TMEM201: variants seen among roughly 807,000 people sequenced by gnomAD.
The protein encoded by TMEM201 is transmembrane protein 201.
A neutral mutation model predicts 63.4 loss-of-function variants in TMEM201; 26 were observed. The observed-to-expected ratio is 0.41, with a 90% CI of 0.30 to 0.57. TMEM201 has a LOEUF of 0.57. Among genes scored for constraint, TMEM201 ranks in the 20% least tolerant of loss-of-function variants. TMEM201 has a pLI of 0.29. For synonymous variants in TMEM201, 417 were observed against 421.6 expected, an observed-to-expected ratio of 0.99 and a Z score of 0.14; for missense variants, 794 against 917.7, an observed-to-expected ratio of 0.87 and a Z score of 1.74.
chr1:9,594,841 G>A lies in TMEM201; in HGVS notation c.114-1049G>A, dbSNP rs1399119917. On this transcript the variant is annotated intron_variant, in intron 1 of 10. Coordinates refer to ENST00000340381, the MANE Select transcript of TMEM201 (RefSeq NM_001130924.3). ...ACAGATGTGGACACTGAGGCTGAGA[G>A]TACAGGAACTTCCTGGGGCTCCGTC... Among the ~76,000 whole-genome samples the A allele has an allele frequency of 5.9e-5, 9 of 152,380 alleles. 1 individual carries two copies. The highest frequency in any genetic ancestry group is 5.2e-4 in the Admixed American group (8 of 15,310).
At position 9,611,834 on chromosome 1, in the gene TMEM201, C is replaced by T. The variant is rs1557564326; in HGVS notation, c.1847C>T (p.Thr616Ile). The T allele has an allele frequency of 4.5e-6, 7 of 1,550,848 alleles. No individual in the cohort carries two copies. The South Asian group carries it at 8.3e-5, about 18-fold the overall frequency. The change falls in exon 10 of 11, where the codon ACC becomes ATC. Residue 616 changes from threonine to isoleucine, a missense_variant. By Grantham distance (89) the Thr-to-Ile change is moderately conservative. Coordinates refer to ENST00000340381, the MANE Select transcript of TMEM201 (RefSeq NM_001130924.3). ...KKEDDSSQSS[T>I]CVVDTTTRGC... ...GAGGACGACTCTTCCCAGTCATCTA[C>T]CTGTGTGGTGGACACCACCACCAGG...
rs114567250 is a variant in TMEM201 at position 9,605,558 on chromosome 1, A to G, written c.1161-1999A>G. ...CGGAGGCTCGCTGGGGCGCCTGTAC[A>G]GAGCCCAGCCCCTCATGCCCAGCCC... is the stretch of plus-strand genomic sequence containing the variant. On this transcript the variant is annotated intron_variant, in intron 6 of 10. Coordinates refer to ENST00000340381, the MANE Select transcript of TMEM201 (RefSeq NM_001130924.3). This position sits in a 1 kb window ranked among gnomAD's most constrained non-coding sequence, Gnocchi z 5.7. 3.6e-3 allele frequency among the ~76,000 whole-genome samples: 547 copies of G among 152,358 alleles called. 5 individuals carry two copies. Among genetic ancestry groups the G allele is most frequent in the African/African-American group, 0.012 (511 of 41,588 alleles).
rs190175570 is a variant in TMEM201 at position 9,598,097 on chromosome 1, C to T, written c.430-352C>T. ...TGCCCCACTCCAGGCAGTGTCAGCC[C>T]GCAGCCACCTTCCCCCATGTTCACC... On this transcript the variant is annotated intron_variant, in intron 3 of 10. Transcript: ENST00000340381. Among the ~76,000 whole-genome samples the T allele has an allele frequency of 2.8e-3, 426 of 152,306 alleles. 1 individual carries two copies. The highest frequency in any genetic ancestry group is 9.8e-3 in the African/African-American group (408 of 41,566).
rs886216030 is a variant in TMEM201, at chr1:9,604,241, A to G, written c.1160+1969A>G. ...CATCTGTGTGTATGTGCGTATTTAAATTAGATTATTTATAATAACCAGAGC... is the reference window on the plus strand; with the variant it reads ...CATCTGTGTGTATGTGCGTATTTAAGTTAGATTATTTATAATAACCAGAGC... On this transcript the variant is annotated intron_variant, in intron 6 of 10. Transcript: ENST00000340381. The surrounding 1 kb of genome is among the most constrained non-coding windows in gnomAD (Gnocchi z 4.1). 1.0e-6 allele frequency: 1 copy of G among 985,440 alleles called. No individual in the cohort carries two copies. Among genetic ancestry groups the G allele is most frequent in the Non-Finnish European group, 1.2e-6 (1 of 829,936 alleles). The allele number at this position is 985,440 out of a possible 1,614,324, so 61.0% of individuals were successfully genotyped here.
In TMEM201 at chr1:9,604,301, C is replaced by G; in HGVS notation, c.1160+2029C>G. The G allele has an allele frequency of 1.0e-6, 1 of 985,458 alleles. No homozygotes were observed. Among genetic ancestry groups the G allele is most frequent in the Non-Finnish European group, 1.2e-6 (1 of 829,936 alleles). 61.0% of individuals were successfully genotyped at this position (985,458 alleles called of 1,614,324 possible). A position where few individuals can be genotyped will look rare whatever the true frequency, so the allele number is the denominator to read the frequency against. ...CGCTGGCCAGGATCCTCCTGCCGAG[C>G]TGATGTCGCTCCTGCCCTCTGCCGG... On this transcript the variant is annotated intron_variant, in intron 6 of 10. Transcript: ENST00000340381. The surrounding 1 kb of genome is among the most constrained non-coding windows in gnomAD (Gnocchi z 4.1).
At chr1:9,602,382 C>T (rs1349812184) in intron 6 of TMEM201, 110 bp downstream of exon 6, 4 of 1,496,226 alleles carry the variant, frequency 2.7e-6, no homozygotes, top group African/African-American at 2.8e-5. Context: ...CACCTGCTCA[C>T]GCCCTCCCAC....
rs56394030 is a variant in TMEM201 at position 9,604,696 on chromosome 1, C to T, written c.1160+2424C>T. On this transcript the variant is annotated intron_variant, in intron 6 of 10. Coordinates refer to ENST00000340381, the MANE Select transcript of TMEM201 (RefSeq NM_001130924.3). This position sits in a 1 kb window ranked among gnomAD's most constrained non-coding sequence, Gnocchi z 4.1. Reference sequence around the variant, plus strand: ...CTTGAGGTCCCCACCCAGGCCAAGCCGGCCCCCCGTACCCCTTGCCTGGGA... The same window carrying T: ...CTTGAGGTCCCCACCCAGGCCAAGCTGGCCCCCCGTACCCCTTGCCTGGGA... 5.2e-5 allele frequency: 51 copies of T among 985,780 alleles called. No homozygotes were observed. Among genetic ancestry groups the T allele is most frequent in the South Asian group, 3.8e-4 (8 of 21,304 alleles). 61.1% of individuals were successfully genotyped at this position (985,780 alleles called of 1,614,324 possible).
At position 9,602,638 on chromosome 1, in the gene TMEM201, C is replaced by A. The variant is rs112835708; in HGVS notation, c.1160+366C>A. On this transcript the variant is annotated intron_variant, in intron 6 of 10. Coordinates refer to ENST00000340381, the MANE Select transcript of TMEM201 (RefSeq NM_001130924.3). ...TCCAGGCACCCCCCTCTCACCACGCCGTTTGCTGGCTCTGACACTGTTGGG... is the reference window on the plus strand; with the variant it reads ...TCCAGGCACCCCCCTCTCACCACGCAGTTTGCTGGCTCTGACACTGTTGGG... 10 of 1,173,642 alleles carry A rather than the reference C, an allele frequency of 8.5e-6. No homozygotes were observed. The African/African-American group carries it at 1.1e-4, about 13-fold the overall frequency. The allele number at this position is 1,173,642 out of a possible 1,614,324, so 72.7% of individuals were successfully genotyped here. A position where few individuals can be genotyped will look rare whatever the true frequency, so the allele number is the denominator to read the frequency against.
In TMEM201 at chr1:9,607,686, CCAG is replaced by C. The variant is rs1333355459; in HGVS notation, c.1295_1297del (p.Gln432del). On this transcript the variant is annotated inframe_deletion, in exon 7 of 11. Coordinates refer to ENST00000340381, the MANE Select transcript of TMEM201 (RefSeq NM_001130924.3). The surrounding 1 kb of genome is among the most constrained non-coding windows in gnomAD (Gnocchi z 5.4). The stretch of plus-strand genomic sequence containing the variant: ...CGCCCAGCTTCCTGCCCCTCGCCAA[CCAG>C]CAGCTCTTCCGGTCTCCTCGACGGA... 1 of 1,552,050 alleles carries C rather than the reference CCAG, an allele frequency of 6.4e-7. No homozygotes were observed. The highest frequency in any genetic ancestry group is 1.2e-5 in the South Asian group (1 of 84,066).
At position 9,601,250 on chromosome 1, in the gene TMEM201, C is replaced by T; in HGVS notation, c.752C>T (p.Pro251Leu). ...GGCACCACTGTGCCCCTGGCCCTGC[C>T]ACCTGGTGGCAATGGCTCAGCCACA... ...APGTTVPLAL[P>L]PGGNGSATPD... Residue 251 changes from proline to leucine, a missense_variant, in exon 5 of 11, where the codon CCA becomes CTA. Pro to Leu is a moderately conservative substitution (Grantham distance 98). Transcript: ENST00000340381. 1 of 1,611,254 alleles carries T rather than the reference C, an allele frequency of 6.2e-7. No individual in the cohort carries two copies. The highest frequency in any genetic ancestry group is 8.5e-7 in the Non-Finnish European group (1 of 1,179,772).
In TMEM201 at chr1:9,603,116, C is replaced by T; in HGVS notation, c.1160+844C>T. On this transcript the variant is annotated intron_variant, in intron 6 of 10. Transcript: ENST00000340381. This position sits in a 1 kb window ranked among gnomAD's most constrained non-coding sequence, Gnocchi z 4.5. ...TCAGTGACATCAGGTCGTTGTCATC[C>T]TTTCCCTCCCTGACCTGTCACGAGC... 2.0e-6 allele frequency: 2 copies of T among 985,512 alleles called. No individual in the cohort carries two copies. Among genetic ancestry groups the T allele is most frequent in the Non-Finnish European group, 2.4e-6 (2 of 829,990 alleles). 61.0% of individuals were successfully genotyped at this position (985,512 alleles called of 1,614,324 possible).
Position 9,608,790 on chromosome 1 carries a change from G to T in TMEM201, c.1393+1001G>T, listed in dbSNP as rs976043244. Among the ~76,000 whole-genome samples the T allele has an allele frequency of 1.3e-5, 2 of 151,652 alleles. No homozygotes were observed. The highest frequency in any genetic ancestry group is 3.0e-5 in the Non-Finnish European group (2 of 67,630). On this transcript the variant is annotated intron_variant, in intron 7 of 10. Coordinates refer to ENST00000340381, the MANE Select transcript of TMEM201 (RefSeq NM_001130924.3). The surrounding 1 kb of genome is among the most constrained non-coding windows in gnomAD (Gnocchi z 4.3). The stretch of plus-strand genomic sequence containing the variant: ...AAGAACAGGCAATCTCCCTGTTAAG[G>T]CTCAAGGCAGGGACACAGTAGCGAC...
intron 6 of TMEM201, among the ~76,000 whole-genome samples, chr1:9,606,821 C>T (rs531306510): frequency 3.9e-5 from 6 of 152,332 alleles, no homozygotes; most frequent in South Asian, 2.1e-4. Flanking sequence ...TGTCACCTTC[C>T]GTCTTTCGGG....
Position 9,607,430 on chromosome 1 carries a change from C to A in TMEM201, c.1161-127C>A, listed in dbSNP as rs1014905692. On this transcript the variant is annotated intron_variant, in intron 6 of 10. Transcript: ENST00000340381. This position sits in a 1 kb window ranked among gnomAD's most constrained non-coding sequence, Gnocchi z 5.4. ...GCTTTTCTGCTTTAACTAACGCACG[C>A]CTCCTCTGGGACCCCAGCTGAGGCC... 5 of 687,408 alleles carry A rather than the reference C, an allele frequency of 7.3e-6. No individual in the cohort carries two copies. The highest frequency in any genetic ancestry group is 7.2e-5 in the African/African-American group (4 of 55,342). The allele number at this position is 687,408 out of a possible 1,614,324, so 42.6% of individuals were successfully genotyped here.
chr1:9,610,796 C>A lies in TMEM201; in HGVS notation c.1756C>A (p.His586Asn). 1 of 1,541,306 alleles carries A rather than the reference C, an allele frequency of 6.5e-7. No individual in the cohort carries two copies. Among genetic ancestry groups the A allele is most frequent in the Non-Finnish European group, 8.8e-7 (1 of 1,140,542 alleles). Residue 586 changes from histidine to asparagine, a missense_variant, in exon 9 of 11, where the codon CAC becomes AAC. Physicochemically the swap from His to Asn is moderately conservative, Grantham distance 68. Transcript: ENST00000340381. The surrounding 1 kb of genome is among the most constrained non-coding windows in gnomAD (Gnocchi z 4.9). ...PRKPPLQDVK[H>N]ALDLRSKLER... Reference sequence around the variant, plus strand: ...GAAGCCGCCCCTGCAGGACGTGAAGCACGCCCTGGGTACGGCCTTCTGACC... The same window carrying A: ...GAAGCCGCCCCTGCAGGACGTGAAGAACGCCCTGGGTACGGCCTTCTGACC...
intron 5 of TMEM201, 87 bp downstream of exon 5, chr1:9,601,541 G>T: frequency 1.6e-6 from 2 of 1,287,456 alleles, no homozygotes; most frequent in Middle Eastern, 2.7e-4. Context: ...AGACCCCATT[G>T]GGTGCACAGC....
rs1203723864 is a variant in TMEM201, at chr1:9,605,002, G to T, written c.1161-2555G>T. On this transcript the variant is annotated intron_variant, in intron 6 of 10. Transcript: ENST00000340381. The surrounding 1 kb of genome is among the most constrained non-coding windows in gnomAD (Gnocchi z 5.7). ...CTTCTTTTTTCTTTCTTTCAGAAGG[G>T]CTCTGTGCCAGGGCTGGGGTGGGCA... 1.0e-6 allele frequency: 1 copy of T among 985,684 alleles called. No individual in the cohort carries two copies. The highest frequency in any genetic ancestry group is 1.1e-4 in the East Asian group (1 of 8,834). 61.1% of individuals were successfully genotyped at this position (985,684 alleles called of 1,614,324 possible). A position where few individuals can be genotyped will look rare whatever the true frequency, so the allele number is the denominator to read the frequency against.
chr1:9,601,990 G>A, intron 5 of TMEM201, 79 bp from the exon 6 acceptor site: 1 of 1,511,516 alleles, frequency 6.6e-7, no homozygotes, highest in Non-Finnish European at 8.9e-7. Flanking sequence ...GCCAGGTATA[G>A]ACAGAGGAGG....
At position 9,601,208 on chromosome 1, in the gene TMEM201, G is replaced by C. The variant is rs745388807; in HGVS notation, c.710G>C (p.Ser237Thr). ...FLLTTALYGA[S>T]GHFAPGTTVP... The stretch of plus-strand genomic sequence containing the variant: ...CTGACCACCGCGCTGTATGGGGCCA[G>C]CGGACACTTCGCCCCAGGCACCACT... The change falls in exon 5 of 11, where the codon AGC becomes ACC. Residue 237 changes from serine (S) to threonine (T), a missense_variant. Ser to Thr is a moderately conservative substitution (Grantham distance 58). Coordinates refer to ENST00000340381, the MANE Select transcript of TMEM201 (RefSeq NM_001130924.3). 26 of 1,612,492 alleles carry C rather than the reference G, an allele frequency of 1.6e-5. No individual in the cohort carries two copies. Among genetic ancestry groups the C allele is most frequent in the Non-Finnish European group, 2.0e-5 (24 of 1,179,888 alleles).
Sources: gnomAD v4.1 joint callset for allele counts (sites outside exome capture counted in the v4.1 genomes callset) on GRCh38, gnomAD v4.1.1 for gene constraint, Gnocchi (gnomAD v3.1) non-coding constraint, MANE v1.5 for transcripts, NCBI Gene and HGNC (gene_info 2026-07-23, HGNC 2026-07-21) for gene names.